PAK3: variants seen among roughly 807,000 people sequenced by gnomAD.
The protein encoded by PAK3 is serine/threonine-protein kinase PAK 3.
Under a neutral mutation model 41.0 loss-of-function variants are expected in PAK3, and 4 were observed. The ratio of observed to expected loss-of-function variants is 0.10; its 90% CI spans 0.05 to 0.22. PAK3 has a LOEUF of 0.22. Among genes scored for constraint, PAK3 ranks in the 10% least tolerant of loss-of-function variants. The pLI, the probability that PAK3 is intolerant of heterozygous loss-of-function variation, is 1.00. For missense variants in PAK3, 205 were observed against 409.9 expected, an observed-to-expected ratio of 0.50 and a Z score of 4.32; for synonymous variants, 146 against 139.6, an observed-to-expected ratio of 1.05 and a Z score of -0.32.
At chrX:110,954,804 T>C (rs1178380562) in intron 1 of PAK3, among the ~76,000 whole-genome samples, 1 of 111,756 alleles carries the variant, frequency 8.9e-6, no homozygotes, top group African/African-American at 3.3e-5. Flanking sequence ...CCCATGACTA[T>C]TGTTTGTGTC....
intron 1 of PAK3, among the ~76,000 whole-genome samples, chrX:111,025,207 C>T (rs767824045): frequency 9.1e-6 from 1 of 110,268 alleles, no homozygotes; most frequent in South Asian, 3.8e-4. Flanking sequence ...TCTGAAAGAG[C>T]ACAAATCTAA....
intron 16 of PAK3, among the ~76,000 whole-genome samples, chrX:111,199,638 A>G (rs1208194313): frequency 1.3e-4 from 15 of 111,842 alleles, no homozygotes; most frequent in Non-Finnish European, 1.5e-4. Flanking sequence ...CTTGGTGGGT[A>G]TTGAGTGGAA....
chrX:110,996,984 G>A (rs73543421), intron 1 of PAK3, among the ~76,000 whole-genome samples: 3,877 of 111,830 alleles, frequency 0.035, 160 homozygotes, highest in African/African-American at 0.12. Context: ...GAGTGACCTC[G>A]ATAGATAAAT....
intron 1 of PAK3, among the ~76,000 whole-genome samples, chrX:110,988,503 A>G (rs888597205): frequency 8.9e-6 from 1 of 112,266 alleles, no homozygotes; most frequent in African/African-American, 3.2e-5. Flanking sequence ...GTATGTGTAT[A>G]TATATACATG....
intron 1 of PAK3, among the ~76,000 whole-genome samples, chrX:110,998,331 C>A (rs935657416): frequency 8.9e-6 from 1 of 111,867 alleles, no homozygotes; most frequent in African/African-American, 3.2e-5. Flanking sequence ...GAATGTGGTT[C>A]CTGGAAGCCA....
At chrX:110,975,188 A>C (rs1168456082) in intron 1 of PAK3, among the ~76,000 whole-genome samples, 1 of 112,344 alleles carries the variant, frequency 8.9e-6, no homozygotes, top group Non-Finnish European at 1.9e-5. Flanking sequence ...TGCAGATGAC[A>C]TGATTGTGTA....
At chrX:111,160,563 C>A (rs976469939) in intron 8 of PAK3, among the ~76,000 whole-genome samples, 1 of 108,295 alleles carries the variant, frequency 9.2e-6, no homozygotes, top group Non-Finnish European at 1.9e-5. Flanking sequence ...TGTGCTGCAC[C>A]CATTAACTCA....
At chrX:110,971,388 G>A (rs896006277) in intron 1 of PAK3, among the ~76,000 whole-genome samples, 1 of 111,980 alleles carries the variant, frequency 8.9e-6, no homozygotes, top group Non-Finnish European at 1.9e-5. Flanking sequence ...ATGTTTTCAA[G>A]GTTCATCCAT....
At chrX:111,085,075 T>C (rs2092869809) in intron 1 of PAK3, among the ~76,000 whole-genome samples, 1 of 112,097 alleles carries the variant, frequency 8.9e-6, no homozygotes, top group South Asian at 3.7e-4. Flanking sequence ...TTTCCAAAGG[T>C]GGCAGAAAGC....
intron 1 of PAK3, among the ~76,000 whole-genome samples, chrX:110,952,125 TC>T (rs2090756544): frequency 8.9e-6 from 1 of 112,394 alleles, no homozygotes; most frequent in Non-Finnish European, 1.9e-5. Flanking sequence ...TGTAGCTTTT[TC>T]CCTTACTCTG....
rs754207692 is a variant in PAK3, at chrX:111,179,244, T to A, written c.830+6163T>A. On this transcript the variant is annotated intron_variant, in intron 11 of 17. Transcript: ENST00000372007. ...CCAGCAGTTACTCAAATATATTACC[T>A]GACTTCCATCTAAGATATTTGAGAT... Among the ~76,000 whole-genome samples the A allele has an allele frequency of 1.3e-4, 14 of 110,031 alleles. No homozygotes were observed. In the Admixed American group the frequency reaches 1.4e-3, roughly 11 times the overall value.
At chrX:111,063,309 TGAA>T (rs1307366177) in intron 1 of PAK3, among the ~76,000 whole-genome samples, 1 of 112,088 alleles carries the variant, frequency 8.9e-6, no homozygotes, top group Non-Finnish European at 1.9e-5. Context: ...TTGCAATGAT[TGAA>T]GAAGATTTGT....
chrX:111,001,797 A>T (rs2091852546), intron 1 of PAK3, among the ~76,000 whole-genome samples: 1 of 111,043 alleles, frequency 9.0e-6, no homozygotes, highest in Non-Finnish European at 1.9e-5. Context: ...GGTAGCTTTG[A>T]CTGAGGATGC....
At chrX:111,031,585 T>C (rs1232123841) in intron 1 of PAK3, among the ~76,000 whole-genome samples, 1 of 111,688 alleles carries the variant, frequency 9.0e-6, no homozygotes, top group African/African-American at 3.3e-5. Context: ...TGTGTACTTG[T>C]TGTTTCTTTT....
At chrX:111,181,485 G>A (rs1308936649) in intron 11 of PAK3, among the ~76,000 whole-genome samples, 1 of 110,727 alleles carries the variant, frequency 9.0e-6, no homozygotes, top group Non-Finnish European at 1.9e-5. Flanking sequence ...AGTCCCCCCC[G>A]TCTCTCTAAA....
At chrX:111,011,472 C>A (rs12014684) in intron 1 of PAK3, among the ~76,000 whole-genome samples, 1,438 of 112,001 alleles carry the variant, frequency 0.013, 20 homozygotes, top group African/African-American at 0.044. Flanking sequence ...AGTCTCTCAG[C>A]AAGAAATAAC....
At chrX:111,063,934 G>A (rs371882515) in intron 1 of PAK3, among the ~76,000 whole-genome samples, 4 of 111,398 alleles carry the variant, frequency 3.6e-5, no homozygotes, top group East Asian at 2.8e-4. Context: ...GCTCAAGAAA[G>A]CTGGACTCCA....
At chrX:110,986,349 T>C (rs1035414816) in intron 1 of PAK3, among the ~76,000 whole-genome samples, 22 of 111,369 alleles carry the variant, frequency 2.0e-4, no homozygotes, top group African/African-American at 6.2e-4. Flanking sequence ...GAAATTGACA[T>C]GGGGGGAAGA....
At chrX:111,136,140 A>G (rs2093786459) in intron 5 of PAK3, among the ~76,000 whole-genome samples, 2 of 111,974 alleles carry the variant, frequency 1.8e-5, no homozygotes, top group South Asian at 7.5e-4. Context: ...TCAGTGAAGT[A>G]GAAGGAAGGT....
Sources: gnomAD v4.1 joint callset for allele counts (sites outside exome capture counted in the v4.1 genomes callset) on GRCh38, gnomAD v4.1.1 for gene constraint, MANE v1.5 for transcripts, NCBI Gene and HGNC (gene_info 2026-07-23, HGNC 2026-07-21) for gene names.